Variants in PTPRT observed in about 807,000 individuals in gnomAD.
The protein encoded by PTPRT is receptor-type tyrosine-protein phosphatase T.
PTPRT carries 56 observed loss-of-function variants against 176.8 expected under a neutral mutation model. That is an observed-to-expected ratio of 0.32 (90% CI 0.26 to 0.40). PTPRT has a LOEUF of 0.40. PTPRT is among the 10% of genes least tolerant of loss of function. The pLI is 1.00. For synonymous variants in PTPRT, 783 were observed against 739.0 expected (o/e 1.06, Z -0.96); for missense variants, 1,540 against 1,908.2 (o/e 0.81, Z 3.60).
Position 42,325,584 on chromosome 20 carries a change from T to C in PTPRT, c.1866-9588A>G, listed in dbSNP as rs538527119. 2.6e-5 allele frequency among the ~76,000 whole-genome samples: 4 copies of C among 152,178 alleles called. No homozygotes were observed. The South Asian group carries it at 8.3e-4, about 32-fold the overall frequency. On this transcript the variant is annotated intron_variant, in intron 11 of 30. Transcript: ENST00000373187. Reference sequence around the variant, plus strand: ...ATCTGACTGCTTCTCAGCATCTTCATAGTTACAGCTCTGAACTAAGCTTCC... The same window carrying C: ...ATCTGACTGCTTCTCAGCATCTTCACAGTTACAGCTCTGAACTAAGCTTCC...
chr20:42,128,723 C>A (rs1328771310), intron 19 of PTPRT, 31 bp downstream of exon 19: 2 of 1,535,880 alleles, frequency 1.3e-6, no homozygotes, highest in African/African-American at 2.8e-5. Flanking sequence ...CAAAAGCCAG[C>A]CCCAGCCCCC....
At chr20:43,032,891 C>T (rs751104636) in intron 1 of PTPRT, among the ~76,000 whole-genome samples, 2 of 152,178 alleles carry the variant, frequency 1.3e-5, no homozygotes, top group Non-Finnish European at 2.9e-5. Context: ...CAGATATAAA[C>T]GCATGATGTG....
At chr20:42,668,449 C>T (rs2075354313) in intron 7 of PTPRT, among the ~76,000 whole-genome samples, 1 of 152,174 alleles carries the variant, frequency 6.6e-6, no homozygotes, top group East Asian at 1.9e-4. Context: ...TCTTCCCTCC[C>T]AGCACTACAG....
intron 9 of PTPRT, among the ~76,000 whole-genome samples, chr20:42,391,860 C>G (rs2058802846): frequency 3.3e-5 from 5 of 152,166 alleles, no homozygotes; most frequent in Admixed American, 3.3e-4. Flanking sequence ...AGATGCCGAG[C>G]ATAAGCAAGT....
intron 2 of PTPRT, among the ~76,000 whole-genome samples, chr20:42,868,402 A>G (rs1332200080): frequency 1.3e-5 from 2 of 152,206 alleles, no homozygotes; most frequent in African/African-American, 4.8e-5. Context: ...CCATGTCTCA[A>G]TGCTTTCTGA....
At chr20:42,790,946 C>G (rs981023012) in intron 3 of PTPRT, among the ~76,000 whole-genome samples, 1 of 152,208 alleles carries the variant, frequency 6.6e-6, no homozygotes, top group African/African-American at 2.4e-5. Flanking sequence ...CCTCTAGCAT[C>G]TTCAGGAGCC....
At chr20:42,134,537 G>A (rs1158656338) in intron 18 of PTPRT, among the ~76,000 whole-genome samples, 2 of 152,122 alleles carry the variant, frequency 1.3e-5, no homozygotes, top group Non-Finnish European at 2.9e-5. Flanking sequence ...AATTCAAAGA[G>A]CTCCCTTTAA....
At chr20:42,085,586 C>T (rs1243630552) in intron 28 of PTPRT, 142 bp downstream of exon 28, 2 of 1,281,360 alleles carry the variant, frequency 1.6e-6, no homozygotes, top group Non-Finnish European at 2.2e-6. Context: ...CCGGAATCAG[C>T]ACAGGCATCA....
chr20:42,596,559 A>G (rs1775650538), intron 7 of PTPRT, among the ~76,000 whole-genome samples: 1 of 152,258 alleles, frequency 6.6e-6, no homozygotes, highest in South Asian at 2.1e-4. Context: ...GAAGAAACAA[A>G]AACACTTGCA....
At chr20:42,862,289 A>C (rs184195472) in intron 2 of PTPRT, among the ~76,000 whole-genome samples, 79 of 152,258 alleles carry the variant, frequency 5.2e-4, no homozygotes, top group Non-Finnish European at 9.6e-4. Flanking sequence ...AAGATATCTG[A>C]GACTCATCTC....
the PTPRT span, among the ~76,000 whole-genome samples, chr20:42,042,407 A>G: frequency 6.6e-6 from 1 of 152,214 alleles, no homozygotes; most frequent in Non-Finnish European, 1.5e-5. Context: ...CCTGTCCCTC[A>G]GACATTTCTA....
chr20:42,300,612 T>C (rs1000595297), intron 12 of PTPRT, among the ~76,000 whole-genome samples: 6 of 151,956 alleles, frequency 3.9e-5, no homozygotes, highest in Non-Finnish European at 7.4e-5. Flanking sequence ...AAGAAGAATC[T>C]ATAAATTTTT....
chr20:43,046,030 G>A (rs1040388980), intron 1 of PTPRT, among the ~76,000 whole-genome samples: 1 of 152,126 alleles, frequency 6.6e-6, no homozygotes, highest in African/African-American at 2.4e-5. Context: ...GGCTAACACA[G>A]GGGAGGGATA....
intron 1 of PTPRT, among the ~76,000 whole-genome samples, chr20:43,012,933 G>A (rs1395365328): frequency 6.6e-6 from 1 of 151,866 alleles, no homozygotes; most frequent in East Asian, 2.0e-4. Flanking sequence ...TCACCTGCTT[G>A]ACCTGCCTCC....
chr20:42,792,913 G>C (rs767314746), intron 2 of PTPRT, among the ~76,000 whole-genome samples: 1 of 152,140 alleles, frequency 6.6e-6, no homozygotes, highest in African/African-American at 2.4e-5. Context: ...AGAGAGAGAG[G>C]AGTTCAAAAC....
chr20:42,964,682 TTAA>T (rs1466068389), intron 1 of PTPRT, among the ~76,000 whole-genome samples: 1 of 152,198 alleles, frequency 6.6e-6, no homozygotes, highest in Non-Finnish European at 1.5e-5. Flanking sequence ...CTACATGGAA[TTAA>T]TTATTTTTCC....
chr20:42,520,290 C>T (rs1015632782), intron 7 of PTPRT, among the ~76,000 whole-genome samples: 14 of 152,012 alleles, frequency 9.2e-5, no homozygotes, highest in Middle Eastern at 3.2e-3. Flanking sequence ...ATTTATGAAG[C>T]AAATAGTCTC....
At chr20:42,795,591 G>T (rs953134800) in intron 2 of PTPRT, among the ~76,000 whole-genome samples, 27 of 152,220 alleles carry the variant, frequency 1.8e-4, no homozygotes, top group Admixed American at 1.1e-3. Context: ...GCTCAGCATG[G>T]TCCCTGCAGA....
intron 11 of PTPRT, 87 bp from the exon 12 acceptor site, chr20:42,316,083 C>T (rs2057717476): frequency 6.9e-7 from 1 of 1,441,758 alleles, no homozygotes; most frequent in Admixed American, 1.8e-5. Context: ...CCCAACTTCT[C>T]CTATGTGGAA....
Sources: gnomAD v4.1 joint callset for allele counts (sites outside exome capture counted in the v4.1 genomes callset) on GRCh38, gnomAD v4.1.1 for gene constraint, MANE v1.5 for transcripts, NCBI Gene and HGNC (gene_info 2026-07-23, HGNC 2026-07-21) for gene names.